Variants in POLR3B observed in about 807,000 individuals in gnomAD.
POLR3B encodes the protein RNA polymerase III subunit B, also known as DNA-directed RNA polymerase III subunit RPC2.
A neutral mutation model predicts 147.4 loss-of-function variants in POLR3B; 96 were observed. The ratio of observed to expected loss-of-function variants is 0.65; its 90% CI spans 0.55 to 0.77. The LOEUF (loss-of-function observed/expected upper bound fraction) is 0.77, where lower values mean the gene tolerates loss of function less well. Among genes scored for constraint, POLR3B ranks in the 30% least tolerant of loss-of-function variants. The pLI is 0.00. For missense variants in POLR3B, 1,036 were observed against 1,413.5 expected (o/e 0.73, Z 4.28); for synonymous variants, 461 against 485.9 (o/e 0.95, Z 0.67).
At chr12:106,410,802 T>G (rs762446013) in intron 11 of POLR3B, 24 bp from the exon 12 acceptor site, 9 of 1,611,348 alleles carry the variant, frequency 5.6e-6, no homozygotes, top group Non-Finnish European at 7.6e-6. Flanking sequence ...TTCTCAAAAT[T>G]TTTCTCCAAT....
intron 23 of POLR3B, among the ~76,000 whole-genome samples, chr12:106,469,439 G>T (rs1300264026): frequency 2.6e-5 from 4 of 151,524 alleles, no homozygotes; most frequent in African/African-American, 9.7e-5. Flanking sequence ...GGGGCATTTA[G>T]CCCATTTACA....
intron 2 of POLR3B, 69 bp from the exon 3 acceptor site, chr12:106,366,447 A>G (rs2036536598): frequency 2.1e-6 from 2 of 950,808 alleles, no homozygotes; most frequent in East Asian, 2.4e-5. Context: ...ATGATCTATT[A>G]TTTGAGCATA....
At position 106,405,837 on chromosome 12, in the gene POLR3B, T is replaced by C. The variant is rs1409037334; in HGVS notation, c.847-20T>C. On this transcript the variant is annotated intron_variant, in intron 10 of 27. Transcript: ENST00000228347. Reference sequence around the variant, plus strand: ...CTCCAGTGATGTCATTCAAACATTATTGTAATCTGTTTTTTATAGGCATTA... The same window carrying C: ...CTCCAGTGATGTCATTCAAACATTACTGTAATCTGTTTTTTATAGGCATTA... 11 of 1,610,946 alleles carry C rather than the reference T, an allele frequency of 6.8e-6. No homozygotes were observed. The highest frequency in any genetic ancestry group is 2.2e-5 in the East Asian group (1 of 44,838).
At chr12:106,464,806 C>T (rs1030895826) in intron 23 of POLR3B, among the ~76,000 whole-genome samples, 20 of 152,130 alleles carry the variant, frequency 1.3e-4, no homozygotes, top group African/African-American at 3.9e-4. Context: ...CTTTGCCAAG[C>T]GAGTATATCC....
At position 106,426,837 on chromosome 12, in the gene POLR3B, C is replaced by T. The variant is rs1021352101; in HGVS notation, c.1102-360C>T. On this transcript the variant is annotated intron_variant, in intron 12 of 27. Transcript: ENST00000228347. ...GTTTATAATGGTAATTCTTCTCCAC[C>T]GTCCCCCCCCCCCCCCCCCGTCCTT... Among the ~76,000 whole-genome samples the T allele has an allele frequency of 4.1e-3, 168 of 40,628 alleles. 1 individual carries two copies. Among genetic ancestry groups the T allele is most frequent in the Non-Finnish European group, 6.0e-3 (135 of 22,328 alleles). 26.7% of individuals were successfully genotyped at this position (40,628 alleles called of 152,430 possible).
At chr12:106,467,602 C>G (rs1302942906) in intron 23 of POLR3B, among the ~76,000 whole-genome samples, 1 of 152,118 alleles carries the variant, frequency 6.6e-6, no homozygotes, top group African/African-American at 2.4e-5. Context: ...TCATAAATAG[C>G]TCTTATTATT....
At chr12:106,471,804 T>A (rs1030143194) in intron 23 of POLR3B, among the ~76,000 whole-genome samples, 9 of 152,184 alleles carry the variant, frequency 5.9e-5, no homozygotes, top group African/African-American at 2.2e-4. Context: ...GGATTGATTT[T>A]ATTCAGGTTT....
At chr12:106,357,998 G>A (rs2036411449) in intron 1 of POLR3B, 47 bp downstream of exon 1, 37 of 1,603,200 alleles carry the variant, frequency 2.3e-5, no homozygotes, top group Non-Finnish European at 3.1e-5. Flanking sequence ...GATGCGCCCT[G>A]AGGGGGCGTT....
At chr12:106,414,123 A>G (rs1442579270) in intron 12 of POLR3B, among the ~76,000 whole-genome samples, 2 of 150,114 alleles carry the variant, frequency 1.3e-5, no homozygotes, top group African/African-American at 4.9e-5. Context: ...TATCAGGTGG[A>G]CCACTATTTT....
chr12:106,446,472 T>C (rs2037726871), intron 19 of POLR3B, among the ~76,000 whole-genome samples: 1 of 151,400 alleles, frequency 6.6e-6, no homozygotes, highest in Non-Finnish European at 1.5e-5. Context: ...AATGAGTATC[T>C]GAAACGTTTG....
chr12:106,399,940 A>C (rs1285954579), intron 10 of POLR3B, among the ~76,000 whole-genome samples: 1 of 152,244 alleles, frequency 6.6e-6, no homozygotes, highest in Non-Finnish European at 1.5e-5. Context: ...CAAGCAAAAT[A>C]GCCAGCTGAC....
intron 12 of POLR3B, among the ~76,000 whole-genome samples, chr12:106,426,840 C>G (rs1297730284): frequency 6.5e-4 from 1 of 1,540 alleles, no homozygotes; most frequent in Non-Finnish European, 1.4e-3. Flanking sequence ...TCTCCACCGT[C>G]CCCCCCCCCC....
chr12:106,429,060 C>T (rs2037473796), intron 13 of POLR3B, among the ~76,000 whole-genome samples: 1 of 152,176 alleles, frequency 6.6e-6, no homozygotes, highest in African/African-American at 2.4e-5. Flanking sequence ...CTCAAGAGAA[C>T]ATTCCTGGCT....
At position 106,437,796 on chromosome 12, in the gene POLR3B, G is replaced by A. The variant is rs760585784; in HGVS notation, c.1955+17G>A. On this transcript the variant is annotated intron_variant, in intron 18 of 27. Coordinates refer to ENST00000228347, the MANE Select transcript of POLR3B (RefSeq NM_018082.6). ...AATTAATAAGTAAGTAGGATCCATA[G>A]CAACCATAATTAAAACGTGTTCTGA... The A allele has an allele frequency of 2.9e-6, 4 of 1,375,442 alleles. No individual in the cohort carries two copies. In the South Asian group the frequency reaches 3.5e-5, roughly 12 times the overall value. The allele number at this position is 1,375,442 out of a possible 1,614,324, so 85.2% of individuals were successfully genotyped here. A position where few individuals can be genotyped will look rare whatever the true frequency, so the allele number is the denominator to read the frequency against.
intron 22 of POLR3B, 132 bp downstream of exon 22, chr12:106,459,500 GA>G: frequency 1.4e-6 from 1 of 705,228 alleles, no homozygotes. Context: ...ACTTGTCATG[GA>G]AAAAGCATGG....
At chr12:106,400,882 T>C (rs542939376) in intron 10 of POLR3B, among the ~76,000 whole-genome samples, 3 of 152,264 alleles carry the variant, frequency 2.0e-5, no homozygotes, top group East Asian at 1.9e-4. Context: ...AGGAAAGATC[T>C]AAAATTGACA....
intron 10 of POLR3B, among the ~76,000 whole-genome samples, chr12:106,400,922 A>G (rs2037055762): frequency 1.3e-5 from 2 of 152,244 alleles, no homozygotes; most frequent in South Asian, 4.1e-4. Context: ...AGAACTAGAA[A>G]AGCAAGAGCA....
intron 25 of POLR3B, among the ~76,000 whole-genome samples, chr12:106,498,170 GAGA>G (rs2137078593): frequency 1.3e-5 from 2 of 152,368 alleles, no homozygotes; most frequent in East Asian, 3.9e-4. Context: ...GATAAAGGGT[GAGA>G]AGGATAGGGC....
rs187922863 is a variant in POLR3B, at chr12:106,481,022, C to A, written c.2714-15033C>A. Among the ~76,000 whole-genome samples the A allele has an allele frequency of 2.3e-3, 348 of 152,220 alleles. 6 individuals are homozygous for A. The highest frequency in any genetic ancestry group is 0.021 in the Admixed American group (322 of 15,296). ...ATCTGAGAGAAGTAAGAGGGTGAGCCCTCTCTGGCTGAAGAGCATTTGAGG... is the reference window on the plus strand; with the variant it reads ...ATCTGAGAGAAGTAAGAGGGTGAGCACTCTCTGGCTGAAGAGCATTTGAGG... On this transcript the variant is annotated intron_variant, in intron 23 of 27. Coordinates refer to ENST00000228347, the MANE Select transcript of POLR3B (RefSeq NM_018082.6).
Sources: allele counts gnomAD v4.1 joint callset (sites outside exome capture counted in the v4.1 genomes callset), GRCh38; gene constraint gnomAD v4.1.1; transcripts MANE v1.5; gene names NCBI Gene and HGNC (gene_info 2026-07-23, HGNC 2026-07-21).